Variants in CELF1 observed in about 807,000 individuals in gnomAD.
The protein encoded by CELF1 is 50 kDa nuclear polyadenylated RNA-binding protein.
A neutral mutation model predicts 61.8 loss-of-function variants in CELF1; 10 were observed. That is an observed-to-expected ratio of 0.16 (90% CI 0.10 to 0.27). CELF1 has a LOEUF of 0.27. CELF1 is among the 10% of genes least tolerant of loss of function. The pLI is 1.00. For missense variants in CELF1, 380 were observed against 639.1 expected (o/e 0.59, Z 4.37); for synonymous variants, 236 against 225.1 (o/e 1.05, Z -0.43).
intron 11 of CELF1, 132 bp downstream of exon 11, chr11:47,477,165 G>A: frequency 1.9e-6 from 2 of 1,068,000 alleles, no homozygotes; most frequent in South Asian, 3.0e-5. Context: ...GATGACATTT[G>A]AAAATTTGTT....
At position 47,482,717 on chromosome 11, in the gene CELF1, G is replaced by A; in HGVS notation, c.746C>T (p.Thr249Ile). 1 of 1,613,984 alleles carries A rather than the reference G, an allele frequency of 6.2e-7. No homozygotes were observed. The highest frequency in any genetic ancestry group is 1.1e-5 in the South Asian group (1 of 91,070). ...CACTGCTAAATACTGGGGTCCAAGA[G>A]TATTTAGACCAGCAAGGTTTCCCCA... ...SVWGNLAGLNTLGPQYLALYL... is the reference protein window; with the variant it reads ...SVWGNLAGLNILGPQYLALYL... Residue 249 changes from threonine to isoleucine, a missense_variant, in exon 9 of 15, where the codon ACT (threonine) becomes ATT (isoleucine). Transcript: ENST00000687097.
chr11:47,493,484 G>A (rs1373780167), intron 3 of CELF1, among the ~76,000 whole-genome samples: 1 of 147,754 alleles, frequency 6.8e-6, no homozygotes, highest in African/African-American at 2.5e-5. Context: ...CTCCAGCCTG[G>A]GCGACAGAGC....
At chr11:47,489,097 G>A (rs2089514528) in intron 3 of CELF1, 73 bp from the exon 4 acceptor site, 2 of 1,252,278 alleles carry the variant, frequency 1.6e-6, no homozygotes, top group Admixed American at 3.1e-5. Flanking sequence ...TTTCTTTAAT[G>A]ATCTTAACTA....
chr11:47,486,765 T>C lies in CELF1; in HGVS notation c.376A>G (p.Ser126Gly). ...HHPIQMKPADSEKNNAVEDRK... is the reference protein window; with the variant it reads ...HHPIQMKPADGEKNNAVEDRK... ...ATTTGCTTACCATTGTTCTTCTCAC[T>C]GTCAGCAGGTTTCATCTGTATAGGG... is the stretch of plus-strand genomic sequence containing the variant. Residue 126 changes from serine (S) to glycine (G), a missense_variant, in exon 6 of 15, where the codon AGT becomes GGT. Physicochemically the swap from Ser to Gly is moderately conservative, Grantham distance 56. Coordinates refer to ENST00000687097, the MANE Select transcript of CELF1 (RefSeq NM_001376376.1). The C allele has an allele frequency of 6.2e-7, 1 of 1,612,858 alleles. No homozygotes were observed. Among genetic ancestry groups the C allele is most frequent in the Non-Finnish European group, 8.5e-7 (1 of 1,178,796 alleles).
chr11:47,562,942 GGT>G (rs1180297641), intron 2 of CELF1, among the ~76,000 whole-genome samples: 1 of 151,930 alleles, frequency 6.6e-6, no homozygotes, highest in Non-Finnish European at 1.5e-5. Context: ...CCTGACCTCA[GGT>G]GATCTGCCTG....
chr11:47,536,383 TAGAC>T (rs201304458), intron 1 of CELF1, among the ~76,000 whole-genome samples: 9 of 152,216 alleles, frequency 5.9e-5, no homozygotes, highest in East Asian at 5.8e-4. Flanking sequence ...GATAGATAGA[TAGAC>T]AGACTGATAG....
intron 1 of CELF1, among the ~76,000 whole-genome samples, chr11:47,508,537 G>A (rs2094725165): frequency 6.8e-6 from 1 of 146,634 alleles, no homozygotes; most frequent in Non-Finnish European, 1.5e-5. Flanking sequence ...TTAACTGCCA[G>A]GCCAAGAGAA....
At chr11:47,490,182 C>T (rs905303836) in intron 3 of CELF1, among the ~76,000 whole-genome samples, 30 of 151,458 alleles carry the variant, frequency 2.0e-4, no homozygotes, top group African/African-American at 3.4e-4. Flanking sequence ...GTGATCCACC[C>T]GCCTCGGCCT....
chr11:47,503,382 A>T (rs1189201901), intron 1 of CELF1, among the ~76,000 whole-genome samples: 1 of 152,240 alleles, frequency 6.6e-6, no homozygotes, highest in East Asian at 1.9e-4. Context: ...AGGGAGTTCT[A>T]CAACAGGTGA....
intron 1 of CELF1, among the ~76,000 whole-genome samples, chr11:47,534,585 G>A (rs868014788): frequency 6.6e-6 from 1 of 151,866 alleles, no homozygotes; most frequent in Non-Finnish European, 1.5e-5. Context: ...AAAATTAGCC[G>A]GGCGTGGTGG....
chr11:47,543,799 C>T (rs1231502077), intron 1 of CELF1, among the ~76,000 whole-genome samples: 2 of 152,146 alleles, frequency 1.3e-5, no homozygotes, highest in African/African-American at 2.4e-5. Flanking sequence ...AATAAGGACT[C>T]TTGATACAAT....
chr11:47,495,336 C>A (rs1478247910), intron 3 of CELF1, among the ~76,000 whole-genome samples: 1 of 152,022 alleles, frequency 6.6e-6, no homozygotes, highest in Non-Finnish European at 1.5e-5. Context: ...CCAGAACAGG[C>A]AAATCTACAG....
intron 6 of CELF1, among the ~76,000 whole-genome samples, chr11:47,486,309 TTCA>T (rs2153460022): frequency 6.6e-6 from 1 of 152,116 alleles, no homozygotes; most frequent in African/African-American, 2.4e-5. Flanking sequence ...AGCTCTGTTC[TTCA>T]TCATACTTTT....
rs978004756 is a variant in CELF1, at chr11:47,471,799, T to A, written c.*431A>T. 1 of 158,162 alleles carries A rather than the reference T, an allele frequency of 6.3e-6. No homozygotes were observed. The highest frequency in any genetic ancestry group is 2.4e-5 in the African/African-American group (1 of 41,560). The allele number at this position is 158,162 out of a possible 1,614,324, so 9.8% of individuals were successfully genotyped here. ...ACTAAGAGAGGTTCTGGGGGTCACT[T>A]TTTTGTTCCACTCAGTCCTCTCTCT... is the stretch of plus-strand genomic sequence containing the variant. On this transcript the variant is annotated 3_prime_UTR_variant, in exon 15 of 15. Coordinates refer to ENST00000687097, the MANE Select transcript of CELF1 (RefSeq NM_001376376.1).
rs577961565 is a variant in CELF1 at position 47,519,153 on chromosome 11, G to T, written c.-153-18221C>A. On this transcript the variant is annotated intron_variant, in intron 1 of 14. Transcript: ENST00000687097. Reference sequence around the variant, plus strand: ...CAAAGCTTGATTCACCCTAAAGGACGCACAGCCCTAAGACAAATTCTATTC... The same window carrying T: ...CAAAGCTTGATTCACCCTAAAGGACTCACAGCCCTAAGACAAATTCTATTC... 8.5e-5 allele frequency among the ~76,000 whole-genome samples: 13 copies of T among 152,222 alleles called. No homozygotes were observed. In the South Asian group the frequency reaches 2.7e-3, roughly 32 times the overall value.
chr11:47,536,785 G>C (rs994314446), intron 1 of CELF1, among the ~76,000 whole-genome samples: 1 of 151,970 alleles, frequency 6.6e-6, no homozygotes, highest in Admixed American at 6.6e-5. Flanking sequence ...AATAAAAATT[G>C]CACTTGTAAA....
chr11:47,531,688 A>G (rs901401767), intron 1 of CELF1, among the ~76,000 whole-genome samples: 10 of 152,244 alleles, frequency 6.6e-5, no homozygotes, highest in Admixed American at 2.6e-4. Flanking sequence ...ATGCACCACA[A>G]AAACACAAAA....
intron 1 of CELF1, among the ~76,000 whole-genome samples, chr11:47,544,001 T>C (rs910031309): frequency 1.3e-5 from 2 of 152,186 alleles, no homozygotes; most frequent in African/African-American, 2.4e-5. Flanking sequence ...CTCCTAACAG[T>C]AGACTCTCAA....
intron 1 of CELF1, among the ~76,000 whole-genome samples, chr11:47,545,797 CT>C (rs983096316): frequency 8.3e-4 from 126 of 151,598 alleles, no homozygotes; most frequent in African/African-American, 2.9e-3. Flanking sequence ...TTCCAAAGTG[CT>C]GGGATTACAG....
Sources: gnomAD v4.1 joint callset for allele counts (sites outside exome capture counted in the v4.1 genomes callset) on GRCh38, gnomAD v4.1.1 for gene constraint, MANE v1.5 for transcripts, NCBI Gene and HGNC (gene_info 2026-07-23, HGNC 2026-07-21) for gene names.